Variants in FAT3 observed in about 807,000 individuals in gnomAD.
FAT3 encodes FAT atypical cadherin 3.
A neutral mutation model predicts 310.2 loss-of-function variants in FAT3; 95 were observed. That is an observed-to-expected ratio of 0.31 (90% confidence interval 0.26 to 0.36). The LOEUF (loss-of-function observed/expected upper bound fraction) is 0.36. Among genes scored for constraint, FAT3 ranks in the 10% least tolerant of loss-of-function variants. FAT3 has a pLI of 1.00. For synonymous variants in FAT3, 2,314 were observed against 2,192.9 expected (o/e 1.06, Z -1.54); for missense variants, 5,408 against 5,715.6 (o/e 0.95, Z 1.74).
At chr11:92,807,965 G>A (rs1667604384) in intron 12 of FAT3, among the ~76,000 whole-genome samples, 1 of 152,158 alleles carries the variant, frequency 6.6e-6, no homozygotes, top group Admixed American at 6.5e-5. Flanking sequence ...AACAATAACT[G>A]ACTATTGAGT....
intron 2 of FAT3, among the ~76,000 whole-genome samples, chr11:92,433,096 A>G (rs1950833549): frequency 6.6e-6 from 1 of 152,046 alleles, no homozygotes; most frequent in Admixed American, 6.6e-5. Flanking sequence ...CATCAAGCTC[A>G]AGTGTCCCGG....
intron 9 of FAT3, among the ~76,000 whole-genome samples, chr11:92,796,584 C>G (rs1947179612): frequency 6.6e-6 from 1 of 152,084 alleles, no homozygotes; most frequent in Admixed American, 6.5e-5. Context: ...TACTACAATA[C>G]TCAGAAAGAA....
intron 2 of FAT3, among the ~76,000 whole-genome samples, chr11:92,434,403 T>A (rs2135043730): frequency 6.6e-6 from 1 of 152,318 alleles, no homozygotes; most frequent in Middle Eastern, 3.4e-3. Context: ...AAATATGCTC[T>A]TCATCCATTA....
In FAT3 at chr11:92,711,355, T is replaced by C. The variant is rs529296197; in HGVS notation, c.3669+13910T>C. The stretch of plus-strand genomic sequence containing the variant: ...CATTAAATAGCAATCTAGGGTAGAG[T>C]TGCCAATGACCTTAAGTAGGAACCA... On this transcript the variant is annotated intron_variant, in intron 4 of 27. Transcript: ENST00000525166. Among the ~76,000 whole-genome samples, 37 of 152,232 alleles carry C rather than the reference T, an allele frequency of 2.4e-4. 1 individual carries two copies. The South Asian group carries it at 7.7e-3, about 32-fold the overall frequency.
intron 1 of FAT3, among the ~76,000 whole-genome samples, chr11:92,329,317 T>A (rs1449185258): frequency 6.6e-6 from 1 of 151,976 alleles, no homozygotes; most frequent in African/African-American, 2.4e-5. Context: ...GTTTGCTCTG[T>A]TTGTTTCTAG....
At chr11:92,229,300 C>T (rs1274415184) in intron 1 of FAT3, among the ~76,000 whole-genome samples, 1 of 151,952 alleles carries the variant, frequency 6.6e-6, no homozygotes, top group Non-Finnish European at 1.5e-5. Flanking sequence ...TTAATATATC[C>T]TGACCTCTTG....
intron 3 of FAT3, among the ~76,000 whole-genome samples, chr11:92,675,046 G>A (rs901704703): frequency 6.6e-6 from 1 of 152,072 alleles, no homozygotes; most frequent in Non-Finnish European, 1.5e-5. Context: ...GGATGAGAAT[G>A]CTTGTTACCC....
chr11:92,410,359 A>C (rs35940781), intron 2 of FAT3, among the ~76,000 whole-genome samples: 1 of 151,854 alleles, frequency 6.6e-6, no homozygotes, highest in African/African-American at 2.4e-5. Context: ...AGAGAGAGAG[A>C]CCATAAAAAT....
chr11:92,513,923 T>C (rs1480828686), intron 2 of FAT3, among the ~76,000 whole-genome samples: 1 of 152,204 alleles, frequency 6.6e-6, no homozygotes, highest in African/African-American at 2.4e-5. Flanking sequence ...GGTGTCATTC[T>C]TTTGGAGCAA....
intron 2 of FAT3, among the ~76,000 whole-genome samples, chr11:92,495,892 T>C (rs1221894141): frequency 6.6e-6 from 1 of 152,126 alleles, no homozygotes; most frequent in African/African-American, 2.4e-5. Context: ...AATTCTCAGC[T>C]ATTTGAACCC....
chr11:92,561,289 GTT>G (rs1369188520), intron 3 of FAT3, among the ~76,000 whole-genome samples: 7 of 141,496 alleles, frequency 4.9e-5, no homozygotes, highest in Non-Finnish European at 1.1e-4. Flanking sequence ...GTGTGTGTGT[GTT>G]TACCCAAAAT....
At chr11:92,761,385 A>T (rs192103995) in intron 4 of FAT3, among the ~76,000 whole-genome samples, 45 of 152,270 alleles carry the variant, frequency 3.0e-4, no homozygotes, top group African/African-American at 1.1e-3. Flanking sequence ...ATACTATTGC[A>T]TTGGAAATTA....
chr11:92,790,018 G>T lies in FAT3; in HGVS notation c.4411G>T (p.Glu1471Ter). The T allele has an allele frequency of 1.2e-6, 2 of 1,613,808 alleles. No homozygotes were observed. The highest frequency in any genetic ancestry group is 1.7e-6 in the Non-Finnish European group (2 of 1,179,768). The part of the protein sequence containing the change: ...SQPNYDVTIS[E>*]DVLPDTEILQ... ...GCCGAATTACGATGTGACAATTTCC[G>T]AGGATGTGCTTCCAGACACGGAGAT... The change falls in exon 8 of 28, where the codon GAG becomes TAG. Residue 1471 changes from glutamate to a stop codon, truncating the protein, a stop_gained. Transcript: ENST00000525166. LOFTEE classifies it high-confidence loss of function.
intron 21 of FAT3, among the ~76,000 whole-genome samples, chr11:92,860,113 C>T (rs574823274): frequency 6.6e-6 from 1 of 152,268 alleles, no homozygotes; most frequent in East Asian, 1.9e-4. Context: ...GAGGCCACTG[C>T]ACAGTAATCT....
intron 2 of FAT3, among the ~76,000 whole-genome samples, chr11:92,404,135 C>A (rs1394079581): frequency 1.3e-5 from 2 of 152,066 alleles, no homozygotes; most frequent in Non-Finnish European, 2.9e-5. Context: ...GAACTTTCAT[C>A]CATAAACTCA....
At chr11:92,352,041 C>T (rs1400012390) in intron 1 of FAT3, 55 bp from the exon 2 acceptor site, 2 of 1,110,018 alleles carry the variant, frequency 1.8e-6, no homozygotes, top group Non-Finnish European at 2.3e-6. Flanking sequence ...TCCCACTCTC[C>T]CCCTTCTTCT....
intron 1 of FAT3, among the ~76,000 whole-genome samples, chr11:92,326,380 T>C (rs1947764756): frequency 2.6e-5 from 4 of 152,208 alleles, no homozygotes; most frequent in Admixed American, 1.3e-4. Flanking sequence ...GCTTTCTGAA[T>C]TAAAGGAATT....
chr11:92,578,364 C>T (rs933079949), intron 3 of FAT3, among the ~76,000 whole-genome samples: 2 of 152,014 alleles, frequency 1.3e-5, no homozygotes, highest in Non-Finnish European at 1.5e-5. Context: ...AGCTTCTATA[C>T]CCAGTTTGGA....
chr11:92,782,032 A>T (rs1946767573), intron 7 of FAT3, among the ~76,000 whole-genome samples: 2 of 152,148 alleles, frequency 1.3e-5, no homozygotes, highest in Non-Finnish European at 2.9e-5. Context: ...TAGGAAGGCC[A>T]GGCATGGTGG....
Sources: gnomAD v4.1 joint callset for allele counts (sites outside exome capture counted in the v4.1 genomes callset) on GRCh38, gnomAD v4.1.1 for gene constraint, MANE v1.5 for transcripts, NCBI Gene and HGNC (gene_info 2026-07-23, HGNC 2026-07-21) for gene names.